The following KLF8 variants were observed in gnomAD, a reference collection of about 807,000 sequenced individuals.
The protein encoded by KLF8 is Krueppel-like factor 8.
Under a neutral mutation model 18.2 loss-of-function variants are expected in KLF8, and 10 were observed. The ratio of observed to expected loss-of-function variants is 0.55; its 90% CI spans 0.34 to 0.93. KLF8 has a LOEUF of 0.93. Among genes scored for constraint, KLF8 ranks in the 40% least tolerant of loss-of-function variants. The pLI is 0.02. For synonymous variants in KLF8, 109 were observed against 97.3 expected (o/e 1.12, Z -0.71); for missense variants, 264 against 277.9 (o/e 0.95, Z 0.36).
chrX:56,082,611 A>G, the KLF8 span, among the ~76,000 whole-genome samples: 3 of 109,065 alleles, frequency 2.8e-5, no homozygotes, highest in Admixed American at 9.9e-5. Context: ...TTGCCCTTTT[A>G]TCATAGTTTT....
the KLF8 span, among the ~76,000 whole-genome samples, chrX:55,967,676 A>G: frequency 2.7e-5 from 3 of 111,848 alleles, no homozygotes; most frequent in Non-Finnish European, 5.6e-5. Context: ...TGAAGGTACA[A>G]AACTCACGGG....
chrX:56,197,066 A>C, the KLF8 span, among the ~76,000 whole-genome samples: 5 of 111,870 alleles, frequency 4.5e-5, no homozygotes, highest in Non-Finnish European at 9.4e-5. Flanking sequence ...GACACAATGT[A>C]CCAGAATATC....
chrX:56,210,708 G>A, the KLF8 span, among the ~76,000 whole-genome samples: 1 of 109,164 alleles, frequency 9.2e-6, no homozygotes, highest in Non-Finnish European at 1.9e-5. Flanking sequence ...TAGATCCTGA[G>A]GCATGTTTCA....
At chrX:55,946,446 A>C in the KLF8 span, among the ~76,000 whole-genome samples, 19 of 112,043 alleles carry the variant, frequency 1.7e-4, no homozygotes, top group South Asian at 7.1e-3. Context: ...TGGAAAGCTG[A>C]AACTGGGTCC....
chrX:55,970,077 A>G, the KLF8 span, among the ~76,000 whole-genome samples: 1 of 111,154 alleles, frequency 9.0e-6, no homozygotes, highest in African/African-American at 3.3e-5. Flanking sequence ...AACTCATTCT[A>G]TGAGGCCAGT....
At chrX:55,934,328 C>A in the KLF8 span, among the ~76,000 whole-genome samples, 1 of 111,621 alleles carries the variant, frequency 9.0e-6, no homozygotes, top group Admixed American at 9.6e-5. Flanking sequence ...TTATATAGGG[C>A]AGCCAAAGAC....
the KLF8 span, among the ~76,000 whole-genome samples, chrX:56,133,703 T>C: frequency 4.5e-4 from 50 of 111,607 alleles, no homozygotes; most frequent in African/African-American, 1.5e-3. Context: ...GGAATCCAAA[T>C]TGGTAAAGAG....
At chrX:56,183,201 T>C in the KLF8 span, among the ~76,000 whole-genome samples, 1 of 111,950 alleles carries the variant, frequency 8.9e-6, no homozygotes, top group Non-Finnish European at 1.9e-5. Flanking sequence ...TGCTGCCACC[T>C]TGCAGTTCGA....
chrX:55,938,366 T>G, the KLF8 span, among the ~76,000 whole-genome samples: 1 of 111,344 alleles, frequency 9.0e-6, no homozygotes, highest in African/African-American at 3.3e-5. Context: ...AAAGAGCTCC[T>G]GAAGGAAGCA....
the KLF8 span, among the ~76,000 whole-genome samples, chrX:55,988,779 A>G: frequency 8.9e-6 from 1 of 111,745 alleles, no homozygotes; most frequent in Admixed American, 9.5e-5. Flanking sequence ...TTGAATCTTT[A>G]AATTACCTTG....
chrX:55,954,377 AT>A, the KLF8 span, among the ~76,000 whole-genome samples: 2 of 112,057 alleles, frequency 1.8e-5, no homozygotes, highest in Non-Finnish European at 3.8e-5. Flanking sequence ...TCACAAAAAA[AT>A]AGACAAAGGA....
chrX:56,048,828 G>T, the KLF8 span, among the ~76,000 whole-genome samples: 6 of 111,583 alleles, frequency 5.4e-5, no homozygotes, highest in South Asian at 2.3e-3. Flanking sequence ...GCTTGATGGG[G>T]TTGGCATTGA....
At chrX:56,092,502 C>G in the KLF8 span, among the ~76,000 whole-genome samples, 16 of 111,191 alleles carry the variant, frequency 1.4e-4, no homozygotes, top group South Asian at 6.1e-3. Flanking sequence ...CATTGTTATG[C>G]ATGTGACTAT....
the KLF8 span, among the ~76,000 whole-genome samples, chrX:56,076,662 G>A: frequency 1.3e-4 from 15 of 111,480 alleles, no homozygotes; most frequent in Non-Finnish European, 2.4e-4. Flanking sequence ...ACCCAGTAAT[G>A]GGATGGCTGG....
chrX:56,236,593 A>G (rs1232680534), intron 1 of KLF8, among the ~76,000 whole-genome samples: 2 of 111,530 alleles, frequency 1.8e-5, no homozygotes, highest in African/African-American at 6.5e-5. Context: ...ATTAGCCTAC[A>G]GACCAACTAA....
the KLF8 span, among the ~76,000 whole-genome samples, chrX:56,140,270 G>A: frequency 8.9e-6 from 1 of 111,737 alleles, no homozygotes; most frequent in Non-Finnish European, 1.9e-5. Context: ...ATACCCAAAG[G>A]AATATAAATA....
chrX:56,108,840 C>T, the KLF8 span, among the ~76,000 whole-genome samples: 2 of 111,874 alleles, frequency 1.8e-5, no homozygotes, highest in African/African-American at 6.5e-5. Context: ...AAAATTCCCA[C>T]TGAGCATTGT....
chrX:55,943,957 A>G, the KLF8 span, among the ~76,000 whole-genome samples: 1 of 112,224 alleles, frequency 8.9e-6, no homozygotes, highest in African/African-American at 3.2e-5. Flanking sequence ...TGTTTGTTCA[A>G]TGACAAATTC....
chrX:55,917,950 G>A, the KLF8 span, among the ~76,000 whole-genome samples: 4 of 111,782 alleles, frequency 3.6e-5, no homozygotes, highest in African/African-American at 1.3e-4. Flanking sequence ...TAACACCAGA[G>A]CCCTTGCCTT....
Sources: gnomAD v4.1 joint callset for allele counts (sites outside exome capture counted in the v4.1 genomes callset) on GRCh38, gnomAD v4.1.1 for gene constraint, MANE v1.5 for transcripts, NCBI Gene and HGNC (gene_info 2026-07-23, HGNC 2026-07-21) for gene names.